The following PCDHGB2 variants were observed in gnomAD, a reference collection of about 807,000 sequenced individuals.
The protein encoded by PCDHGB2 is protocadherin gamma subfamily B, 2.
Under a neutral mutation model 59.3 loss-of-function variants are expected in PCDHGB2, and 55 were observed. The ratio of observed to expected loss-of-function variants is 0.93; its 90% CI spans 0.75 to 1.16. The LOEUF (loss-of-function observed/expected upper bound fraction) is 1.16. Among genes scored for constraint, PCDHGB2 ranks in the 50% most tolerant of loss-of-function variants. The pLI, the probability that PCDHGB2 is intolerant of heterozygous loss-of-function variation, is 0.00. For synonymous variants in PCDHGB2, 516 were observed against 512.0 expected, an observed-to-expected ratio of 1.01 and a Z score of -0.11; for missense variants, 1,228 against 1,198.5, an observed-to-expected ratio of 1.02 and a Z score of -0.36.
At chr5:141,388,866 C>T in intron 1 of PCDHGB2, 1 of 1,613,950 alleles carries the variant, frequency 6.2e-7, no homozygotes, top group Non-Finnish European at 8.5e-7. Flanking sequence ...AATGATTGCG[C>T]AATGCACAGT....
intron 1 of PCDHGB2, among the ~76,000 whole-genome samples, chr5:141,473,922 A>T (rs1025156251): frequency 2.0e-5 from 3 of 152,182 alleles, no homozygotes; most frequent in South Asian, 2.1e-4. Flanking sequence ...GAAAACTATG[A>T]GCTGGGTGCA....
In PCDHGB2 at chr5:141,487,365, G is replaced by A. The variant is rs1466536791; in HGVS notation, c.2422-7442G>A. On this transcript the variant is annotated intron_variant, in intron 1 of 3. Coordinates refer to ENST00000522605, the MANE Select transcript of PCDHGB2 (RefSeq NM_018923.3). This position sits in a 1 kb window ranked among gnomAD's most constrained non-coding sequence, Gnocchi z 5.0. ...GTCACATGCTTTCCTGCTGGCACCT[G>A]TGCCTGTCTCACCAGATCTCGAAGG... The A allele has an allele frequency of 1.2e-6, 2 of 1,614,068 alleles. No homozygotes were observed. Among genetic ancestry groups the A allele is most frequent in the South Asian group, 1.1e-5 (1 of 91,088 alleles).
chr5:141,386,602 T>C (rs2090639414), intron 1 of PCDHGB2, among the ~76,000 whole-genome samples: 1 of 152,182 alleles, frequency 6.6e-6, no homozygotes, highest in African/African-American at 2.4e-5. Flanking sequence ...TACATTTTTT[T>C]TTTTTGACAT....
chr5:141,421,837 G>A, intron 1 of PCDHGB2: 1 of 1,613,782 alleles, frequency 6.2e-7, no homozygotes. Flanking sequence ...CCTGGACCGA[G>A]AGAAAGAGGC....
intron 1 of PCDHGB2, among the ~76,000 whole-genome samples, chr5:141,406,298 T>G (rs2154537368): frequency 6.6e-6 from 1 of 152,178 alleles, no homozygotes; most frequent in East Asian, 1.9e-4. Flanking sequence ...GGGTGAGGTG[T>G]GAACCACCTC....
At position 141,431,763 on chromosome 5, in the gene PCDHGB2, T is replaced by C; in HGVS notation, c.2422-63044T>C. On this transcript the variant is annotated intron_variant, in intron 1 of 3. Transcript: ENST00000522605. The surrounding 1 kb of genome is among the most constrained non-coding windows in gnomAD (Gnocchi z 4.8). ...TATTCTGCGCGAGCCAAAGTCCTGA[T>C]CACTGTTCTGGACGTGAACGACAAT... 1 of 1,614,230 alleles carries C rather than the reference T, an allele frequency of 6.2e-7. No individual in the cohort carries two copies. Among genetic ancestry groups the C allele is most frequent in the Non-Finnish European group, 8.5e-7 (1 of 1,180,030 alleles).
rs778496260 is a variant in PCDHGB2 at position 141,376,289 on chromosome 5, C to T, written c.2421+13733C>T. On this transcript the variant is annotated intron_variant, in intron 1 of 3. Coordinates refer to ENST00000522605, the MANE Select transcript of PCDHGB2 (RefSeq NM_018923.3). ...TTCGGGAGGTGGCTTAGCGAGCATGCCCGGCTCGCACTTTGTGGGCGTGGA... is the reference window on the plus strand; with the variant it reads ...TTCGGGAGGTGGCTTAGCGAGCATGTCCGGCTCGCACTTTGTGGGCGTGGA... 3.7e-6 allele frequency: 6 copies of T among 1,614,060 alleles called. No homozygotes were observed. The highest frequency in any genetic ancestry group is 5.1e-6 in the Non-Finnish European group (6 of 1,180,046).
chr5:141,466,037 G>T (rs1204301031), intron 1 of PCDHGB2, among the ~76,000 whole-genome samples: 1 of 152,056 alleles, frequency 6.6e-6, no homozygotes, highest in African/African-American at 2.4e-5. Flanking sequence ...CAGGAGAACG[G>T]CATGAACCCA....
chr5:141,372,928 T>C, intron 1 of PCDHGB2: 1 of 925,756 alleles, frequency 1.1e-6, no homozygotes, highest in Non-Finnish European at 1.6e-6. Context: ...GATTTTCTGG[T>C]GTAGAGTAGG....
chr5:141,383,766 A>G (rs1265444749), intron 1 of PCDHGB2: 6 of 1,613,894 alleles, frequency 3.7e-6, no homozygotes, highest in Non-Finnish European at 5.1e-6. Context: ...CTAAACTTCC[A>G]AAGATGTTTC....
At chr5:141,478,559 A>T (rs938780510) in intron 1 of PCDHGB2, 1 of 1,599,454 alleles carries the variant, frequency 6.3e-7, no homozygotes, top group Non-Finnish European at 8.5e-7. Context: ...AAGGTTTAGC[A>T]AGTCATGCTT....
rs1196201183 is a variant in PCDHGB2, at chr5:141,490,944, G to A, written c.2422-3863G>A. ...ATGCCCCAGCTGTGCTGCACCCACG[G>A]CCAGACTGGGAACACTCAGCCCCCC... On this transcript the variant is annotated intron_variant, in intron 1 of 3. Transcript: ENST00000522605. This position sits in a 1 kb window ranked among gnomAD's most constrained non-coding sequence, Gnocchi z 5.4. 6.2e-7 allele frequency: 1 copy of A among 1,613,488 alleles called. No individual in the cohort carries two copies. The highest frequency in any genetic ancestry group is 1.3e-5 in the African/African-American group (1 of 74,906).
At chr5:141,404,488 T>A in intron 1 of PCDHGB2, 1 of 1,613,536 alleles carries the variant, frequency 6.2e-7, no homozygotes, top group Non-Finnish European at 8.5e-7. Context: ...CAGACACTGG[T>A]GTGCTGTATG....
At chr5:141,383,436 C>T in intron 1 of PCDHGB2, 1 of 1,613,968 alleles carries the variant, frequency 6.2e-7, no homozygotes, top group Non-Finnish European at 8.5e-7. Flanking sequence ...GCCACTTCTC[C>T]CTGGCTGTGC....
At chr5:141,427,940 C>T (rs1391166364) in intron 1 of PCDHGB2, 1 of 1,585,904 alleles carries the variant, frequency 6.3e-7, no homozygotes. Context: ...TGGTGGGCGA[C>T]CTCAATGACA....
intron 1 of PCDHGB2, among the ~76,000 whole-genome samples, chr5:141,437,514 C>G (rs2097891371): frequency 6.6e-6 from 1 of 152,114 alleles, no homozygotes; most frequent in South Asian, 2.1e-4. Flanking sequence ...AATTATAAGG[C>G]TGATGACAAA....
chr5:141,444,545 C>G (rs1346405150), intron 1 of PCDHGB2, among the ~76,000 whole-genome samples: 1 of 152,042 alleles, frequency 6.6e-6, no homozygotes, highest in Non-Finnish European at 1.5e-5. Context: ...GTCTAGTGAG[C>G]AAAAGGCACT....
In PCDHGB2 at chr5:141,389,513, C is replaced by A. The variant is rs749432491; in HGVS notation, c.2421+26957C>A. 2.5e-6 allele frequency: 4 copies of A among 1,613,038 alleles called. No homozygotes were observed. The Admixed American group carries it at 5.0e-5, about 20-fold the overall frequency. On this transcript the variant is annotated intron_variant, in intron 1 of 3. Coordinates refer to ENST00000522605, the MANE Select transcript of PCDHGB2 (RefSeq NM_018923.3). ...AGGGCTCGCCAGCGCTCAGCGCGAACGTGAGCCTGCGCGTGTTAGTGGACG... is the reference window on the plus strand; with the variant it reads ...AGGGCTCGCCAGCGCTCAGCGCGAAAGTGAGCCTGCGCGTGTTAGTGGACG...
At chr5:141,364,723 G>C in intron 1 of PCDHGB2, 1 of 1,613,938 alleles carries the variant, frequency 6.2e-7, no homozygotes. Flanking sequence ...ATAACTTCCC[G>C]CGTTTCCGGG....
Sources: allele counts gnomAD v4.1 joint callset (sites outside exome capture counted in the v4.1 genomes callset), GRCh38; gene constraint gnomAD v4.1.1; non-coding constraint Gnocchi (gnomAD v3.1); transcripts MANE v1.5; gene names NCBI Gene and HGNC (gene_info 2026-07-23, HGNC 2026-07-21).